The following UBE2W variants were observed in gnomAD, a reference collection of about 807,000 sequenced individuals.
The protein encoded by UBE2W is ubiquitin-conjugating enzyme E2 W.
A neutral mutation model predicts 27.2 loss-of-function variants in UBE2W; 18 were observed. The ratio of observed to expected loss-of-function variants is 0.66; its 90% CI spans 0.46 to 0.98. The LOEUF is 0.98. UBE2W is among the 50% of genes least tolerant of loss of function. The pLI is 0.00. For missense variants in UBE2W, 90 were observed against 180.2 expected (o/e 0.50, Z 2.87); for synonymous variants, 53 against 57.2 (o/e 0.93, Z 0.33).
intron 1 of UBE2W, among the ~76,000 whole-genome samples, chr8:73,867,188 G>A (rs538244403): frequency 2.6e-5 from 4 of 151,774 alleles, no homozygotes; most frequent in Admixed American, 2.0e-4. Flanking sequence ...ATCACTTAAG[G>A]CCAGGAGTTC....
intron 5 of UBE2W, among the ~76,000 whole-genome samples, chr8:73,805,327 C>G (rs1282534835): frequency 1.3e-5 from 2 of 150,368 alleles, no homozygotes; most frequent in African/African-American, 4.9e-5. Flanking sequence ...GTTGCACATG[C>G]CTGTAATCTC....
At chr8:73,802,440 C>CA (rs1422614212) in intron 5 of UBE2W, among the ~76,000 whole-genome samples, 1 of 151,748 alleles carries the variant, frequency 6.6e-6, no homozygotes, top group Non-Finnish European at 1.5e-5. Context: ...AAAATTTTTT[C>CA]AAACTTTATA....
In UBE2W at chr8:73,855,107, T is replaced by C. The variant is rs550093641; in HGVS notation, c.15+23701A>G. ...AATGTCATGACTTTCCTCTGCTTCT[T>C]TGGAGTACTTCCAGCATCACTGGTG... is the stretch of plus-strand genomic sequence containing the variant. On this transcript the variant is annotated intron_variant, in intron 1 of 5. Coordinates refer to ENST00000602593, the MANE Select transcript of UBE2W (RefSeq NM_018299.6). 1.3e-4 allele frequency among the ~76,000 whole-genome samples: 20 copies of C among 152,346 alleles called. No individual in the cohort carries two copies. In the South Asian group the frequency reaches 2.7e-3, roughly 21 times the overall value.
At chr8:73,828,305 G>A (rs1809934817) in intron 2 of UBE2W, among the ~76,000 whole-genome samples, 1 of 152,078 alleles carries the variant, frequency 6.6e-6, no homozygotes, top group South Asian at 2.1e-4. Flanking sequence ...ATTAAAAGAG[G>A]ATACATACCA....
intron 1 of UBE2W, among the ~76,000 whole-genome samples, chr8:73,850,128 T>C (rs546555641): frequency 2.3e-4 from 35 of 152,188 alleles, no homozygotes; most frequent in African/African-American, 6.5e-4. Context: ...AAGTTAAGAA[T>C]AGACATTTAA....
chr8:73,865,760 T>A (rs575132957), intron 1 of UBE2W, among the ~76,000 whole-genome samples: 9 of 152,336 alleles, frequency 5.9e-5, no homozygotes, highest in Admixed American at 2.0e-4. Context: ...ATATATATGT[T>A]CCTTTCATGT....
chr8:73,842,528 CAAAAAAAA>C (rs759063478), intron 1 of UBE2W, among the ~76,000 whole-genome samples: 5 of 9,678 alleles, frequency 5.2e-4, no homozygotes, highest in Non-Finnish European at 1.1e-3. Flanking sequence ...GACTCCGTCT[CAAAAAAAA>C]AAAAAAAAAA....
intron 5 of UBE2W, 22 bp downstream of exon 5, chr8:73,805,629 A>G (rs773123987): frequency 7.0e-7 from 1 of 1,437,794 alleles, no homozygotes. Context: ...CTAAAAAGTT[A>G]TTACAAATTC....
intron 1 of UBE2W, among the ~76,000 whole-genome samples, chr8:73,857,711 G>A (rs1811363580): frequency 6.6e-6 from 1 of 152,130 alleles, no homozygotes; most frequent in Non-Finnish European, 1.5e-5. Flanking sequence ...AGCTACTCAG[G>A]AAGCTGAGGC....
At chr8:73,800,721 A>G (rs759688480) in intron 5 of UBE2W, among the ~76,000 whole-genome samples, 11 of 152,202 alleles carry the variant, frequency 7.2e-5, no homozygotes, top group Non-Finnish European at 1.6e-4. Flanking sequence ...GTGTCTCCAA[A>G]CTACTAAAAA....
intron 3 of UBE2W, among the ~76,000 whole-genome samples, chr8:73,819,733 CAT>C (rs1809532476): frequency 6.6e-6 from 1 of 152,112 alleles, no homozygotes; most frequent in South Asian, 2.1e-4. Context: ...CTGAGCCAAA[CAT>C]ATTTTAGAGA....
At chr8:73,847,713 C>T (rs1810875004) in intron 1 of UBE2W, among the ~76,000 whole-genome samples, 1 of 151,880 alleles carries the variant, frequency 6.6e-6, no homozygotes, top group African/African-American at 2.4e-5. Flanking sequence ...ACCAGCCTGG[C>T]CAACGTGGTG....
intron 3 of UBE2W, among the ~76,000 whole-genome samples, chr8:73,812,178 T>C (rs1809177132): frequency 6.6e-6 from 1 of 151,534 alleles, no homozygotes; most frequent in Non-Finnish European, 1.5e-5. Context: ...TCTATTTCTT[T>C]TTTTTCTTTA....
intron 2 of UBE2W, among the ~76,000 whole-genome samples, chr8:73,825,864 T>C (rs1056536124): frequency 2.0e-5 from 3 of 152,296 alleles, no homozygotes; most frequent in South Asian, 4.1e-4. Context: ...CTCCTCCTAA[T>C]TGATTTATAC....
downstream of UBE2W, among the ~76,000 whole-genome samples, chr8:73,783,086 TA>T (rs1385433250): frequency 6.6e-6 from 1 of 152,196 alleles, no homozygotes; most frequent in African/African-American, 2.4e-5. Flanking sequence ...TCAGTTCGAG[TA>T]AAAAACAAAA....
intron 3 of UBE2W, among the ~76,000 whole-genome samples, chr8:73,811,058 CCTA>C (rs1248546397): frequency 1.3e-5 from 2 of 152,138 alleles, no homozygotes; most frequent in South Asian, 2.1e-4. Flanking sequence ...GAACATTCCT[CCTA>C]CTACTACCTG....
At chr8:73,846,639 T>C (rs1251861028) in intron 1 of UBE2W, among the ~76,000 whole-genome samples, 2 of 152,222 alleles carry the variant, frequency 1.3e-5, no homozygotes, top group African/African-American at 2.4e-5. Context: ...TTTTGGTTTT[T>C]AGATCTTTTT....
chr8:73,842,898 A>G (rs1810604867), intron 1 of UBE2W, among the ~76,000 whole-genome samples: 2 of 152,360 alleles, frequency 1.3e-5, no homozygotes, highest in South Asian at 2.1e-4. Flanking sequence ...CATTCATAGC[A>G]GCATTATTCA....
intron 1 of UBE2W, among the ~76,000 whole-genome samples, chr8:73,874,039 CTGAA>C (rs1812115322): frequency 2.6e-5 from 4 of 152,180 alleles, no homozygotes; most frequent in Non-Finnish European, 5.9e-5. Flanking sequence ...TACGAGAAGT[CTGAA>C]TGAAGCAGTT....
Sources: gnomAD v4.1 joint callset for allele counts (sites outside exome capture counted in the v4.1 genomes callset) on GRCh38, gnomAD v4.1.1 for gene constraint, MANE v1.5 for transcripts, NCBI Gene and HGNC (gene_info 2026-07-23, HGNC 2026-07-21) for gene names.